DNAH11: variants seen among roughly 807,000 people sequenced by gnomAD.
The protein encoded by DNAH11 is dynein axonemal heavy chain 11.
A neutral mutation model predicts 526.0 loss-of-function variants in DNAH11; 442 were observed. The observed-to-expected ratio is 0.84, with a 90% CI of 0.78 to 0.91. The LOEUF (loss-of-function observed/expected upper bound fraction) is 0.91. DNAH11 is among the 40% of genes least tolerant of loss of function. The pLI is 0.00. For missense variants in DNAH11, 6,989 were observed against 5,448.7 expected, an observed-to-expected ratio of 1.28 and a Z score of -8.90; for synonymous variants, 2,461 against 1,935.9, an observed-to-expected ratio of 1.27 and a Z score of -7.12.
At chr7:21,639,498 T>G (rs750254534) in intron 28 of DNAH11, among the ~76,000 whole-genome samples, 54 of 152,216 alleles carry the variant, frequency 3.5e-4, no homozygotes, top group Non-Finnish European at 6.8e-4. Context: ...TTATCTTCAG[T>G]GCTGTCCAAG....
At chr7:21,752,532 G>T (rs897009301) in intron 54 of DNAH11, among the ~76,000 whole-genome samples, 1 of 152,040 alleles carries the variant, frequency 6.6e-6, no homozygotes, top group Non-Finnish European at 1.5e-5. Flanking sequence ...CTATTCTTTT[G>T]TTTGTCTTTT....
At chr7:21,811,582 A>C (rs1789526424) in intron 63 of DNAH11, among the ~76,000 whole-genome samples, 1 of 152,050 alleles carries the variant, frequency 6.6e-6, no homozygotes, top group African/African-American at 2.4e-5. Flanking sequence ...AGGAATGGGG[A>C]GTTATTGTTT....
intron 73 of DNAH11, among the ~76,000 whole-genome samples, chr7:21,871,560 A>G (rs904111508): frequency 6.6e-6 from 1 of 152,200 alleles, no homozygotes; most frequent in Non-Finnish European, 1.5e-5. Flanking sequence ...AGCCCATAAG[A>G]CAGAGAATGA....
chr7:21,550,132 T>TC (rs1377272449), intron 2 of DNAH11, among the ~76,000 whole-genome samples: 1 of 151,490 alleles, frequency 6.6e-6, no homozygotes, highest in Non-Finnish European at 1.5e-5. Context: ...TTCGTCTTTT[T>TC]TTCTCCCTTC....
chr7:21,795,155 T>C (rs1455968359), intron 61 of DNAH11, among the ~76,000 whole-genome samples: 1 of 152,222 alleles, frequency 6.6e-6, no homozygotes, highest in Non-Finnish European at 1.5e-5. Flanking sequence ...ACAACGATTC[T>C]TAGGTAAAGG....
chr7:21,627,165 G>C (rs895982553), intron 25 of DNAH11, among the ~76,000 whole-genome samples: 1 of 152,054 alleles, frequency 6.6e-6, no homozygotes, highest in African/African-American at 2.4e-5. Flanking sequence ...ATGTATTCTG[G>C]TTATTAATCC....
intron 61 of DNAH11, among the ~76,000 whole-genome samples, chr7:21,790,214 A>C (rs937474656): frequency 2.6e-5 from 4 of 152,064 alleles, no homozygotes; most frequent in African/African-American, 7.2e-5. Flanking sequence ...TGGGAGGCCA[A>C]GGCGGGCAGA....
Position 21,673,345 on chromosome 7 carries a change from C to T in DNAH11, c.5329-8201C>T, listed in dbSNP as rs186168563. On this transcript the variant is annotated intron_variant, in intron 30 of 81. Transcript: ENST00000409508. ...TCATATGTAAAACTGGAATACTAATCGTGCCTACTTCGTAGAGTTGTGATG... is the reference window on the plus strand; with the variant it reads ...TCATATGTAAAACTGGAATACTAATTGTGCCTACTTCGTAGAGTTGTGATG... Among the ~76,000 whole-genome samples the T allele has an allele frequency of 7.6e-4, 116 of 152,284 alleles. 1 individual carries two copies. The highest frequency in any genetic ancestry group is 6.8e-3 in the Middle Eastern group (2 of 294).
intron 63 of DNAH11, among the ~76,000 whole-genome samples, chr7:21,811,455 C>CA (rs33956308): frequency 0.24 from 34,673 of 143,978 alleles, 5,583 homozygotes; most frequent in East Asian, 0.54. Context: ...GATGCCATCT[C>CA]AAAAAAAAAA....
intron 74 of DNAH11, among the ~76,000 whole-genome samples, chr7:21,873,989 C>G (rs1783602529): frequency 6.6e-6 from 1 of 151,786 alleles, no homozygotes; most frequent in Admixed American, 6.6e-5. Context: ...TGGGGTTTCA[C>G]CATGTTGACC....
intron 45 of DNAH11, among the ~76,000 whole-genome samples, chr7:21,731,547 A>G (rs1316654050): frequency 6.6e-6 from 1 of 152,234 alleles, no homozygotes; most frequent in African/African-American, 2.4e-5. Flanking sequence ...CGTACAGAAT[A>G]ATCTCTATTT....
At chr7:21,610,283 AC>A (rs763332176) in intron 20 of DNAH11, among the ~76,000 whole-genome samples, 2 of 151,712 alleles carry the variant, frequency 1.3e-5, no homozygotes, top group Non-Finnish European at 2.9e-5. Flanking sequence ...AGAAAAAGAT[AC>A]TCTGGGAGTT....
intron 28 of DNAH11, among the ~76,000 whole-genome samples, chr7:21,647,427 C>CTTTTTTTTTTTTTTTTTTTTTTTTTT (rs71026810): frequency 8.2e-6 from 1 of 121,252 alleles, no homozygotes. Flanking sequence ...TTCTTTCTTT[C>CTTTTTTTTTTTTTTTTTTTTTTTTTT]TTTTTTTTTT....
intron 25 of DNAH11, among the ~76,000 whole-genome samples, chr7:21,627,227 A>G: frequency 6.6e-6 from 1 of 152,070 alleles, no homozygotes; most frequent in East Asian, 1.9e-4. Context: ...TAGTTTGGCT[A>G]TTCACTTCGT....
At chr7:21,789,763 C>CTCTTTCTTTCTTTCTTTCTTTCTTTCTT (rs1554281334) in intron 61 of DNAH11, among the ~76,000 whole-genome samples, 2 of 72,996 alleles carry the variant, frequency 2.7e-5, no homozygotes, top group Non-Finnish European at 6.1e-5. Flanking sequence ...ATTTCTTTCT[C>CTCTTTCTTTCTTTCTTTCTTTCTTTCTT]TCTTTCTTTC....
intron 66 of DNAH11, among the ~76,000 whole-genome samples, chr7:21,846,112 G>A (rs960175199): frequency 7.2e-5 from 11 of 152,168 alleles, no homozygotes; most frequent in African/African-American, 2.2e-4. Flanking sequence ...CTGCTTATTA[G>A]TTGCAAGAGG....
At chr7:21,874,328 GT>G (rs1448780374) in intron 74 of DNAH11, among the ~76,000 whole-genome samples, 1 of 41,566 alleles carries the variant, frequency 2.4e-5, no homozygotes, top group South Asian at 4.4e-4. Context: ...TACTTACATG[GT>G]TTTTTTTTGT....
intron 2 of DNAH11, among the ~76,000 whole-genome samples, chr7:21,548,004 A>T (rs1750334675): frequency 6.6e-6 from 1 of 152,144 alleles, no homozygotes; most frequent in African/African-American, 2.4e-5. Flanking sequence ...ACGACATCCC[A>T]TTGCTGTTAA....
chr7:21,605,779 C>G (rs1328525380), intron 18 of DNAH11, among the ~76,000 whole-genome samples: 1 of 152,156 alleles, frequency 6.6e-6, no homozygotes, highest in African/African-American at 2.4e-5. Context: ...TCAACAAAGT[C>G]ATTTCCAGAG....
Sources: allele counts gnomAD v4.1 joint callset (sites outside exome capture counted in the v4.1 genomes callset), GRCh38; gene constraint gnomAD v4.1.1; transcripts MANE v1.5; gene names NCBI Gene and HGNC (gene_info 2026-07-23, HGNC 2026-07-21).